The following SAMD5 variants were observed in gnomAD, a reference collection of about 807,000 sequenced individuals.
SAMD5 encodes the protein sterile alpha motif domain containing 5, also known as sterile alpha motif domain-containing protein 5.
In SAMD5, 13 loss-of-function variants were observed where a neutral mutation model predicts 11.3. The observed-to-expected ratio is 1.15, with a 90% confidence interval of 0.75 to 1.83. SAMD5 has a LOEUF of 1.83. Among genes scored for constraint, SAMD5 ranks in the 40% most tolerant of loss-of-function variants. The probability of loss-of-function intolerance (pLI) is 0.00; values close to 1 mark genes in which losing one functional copy is unlikely to be tolerated. For missense variants in SAMD5, 255 were observed against 239.1 expected (o/e 1.07, Z -0.44); for synonymous variants, 129 against 111.3 (o/e 1.16, Z -1.00).
the SAMD5 span, among the ~76,000 whole-genome samples, chr6:147,790,776 C>T: frequency 2.2e-4 from 12 of 55,174 alleles, 1 homozygote; most frequent in East Asian, 5.7e-4. Context: ...CTCTTTCTCT[C>T]TCTCTCTCTC....
chr6:147,900,596 A>T, the SAMD5 span, among the ~76,000 whole-genome samples: 40 of 152,318 alleles, frequency 2.6e-4, no homozygotes, highest in Admixed American at 2.4e-3. Context: ...GGAATGAAGA[A>T]TCACAGGAGA....
At chr6:147,769,321 A>G in the SAMD5 span, among the ~76,000 whole-genome samples, 2 of 152,320 alleles carry the variant, frequency 1.3e-5, no homozygotes, top group South Asian at 2.1e-4. Flanking sequence ...TTTCAATACC[A>G]TTAATTTCCT....
the SAMD5 span, among the ~76,000 whole-genome samples, chr6:147,941,776 T>G: frequency 6.6e-6 from 1 of 152,132 alleles, no homozygotes; most frequent in South Asian, 2.1e-4. Flanking sequence ...TTTTCTAAAA[T>G]ATAGTGACAA....
intron 1 of SAMD5, among the ~76,000 whole-genome samples, chr6:147,619,813 G>A (rs1198335277): frequency 1.3e-5 from 2 of 152,106 alleles, no homozygotes; most frequent in Non-Finnish European, 2.9e-5. Flanking sequence ...CAAGGGGGAG[G>A]CCACCTACTT....
Position 147,564,377 on chromosome 6 carries a change from T to C in SAMD5, c.460-17T>C, listed in dbSNP as rs1349330676. On this transcript the variant is annotated splice_polypyrimidine_tract_variant and intron_variant, in intron 1 of 1. Coordinates refer to ENST00000367474, the MANE Select transcript of SAMD5 (RefSeq NM_001030060.3). ...TAAAGGAGAACTTCAATAACCCAGATATGTTCAAATCCACAGGTCCCAATG... is the reference window on the plus strand; with the variant it reads ...TAAAGGAGAACTTCAATAACCCAGACATGTTCAAATCCACAGGTCCCAATG... 1 of 780,390 alleles carries C rather than the reference T, an allele frequency of 1.3e-6. No individual in the cohort carries two copies. Among genetic ancestry groups the C allele is most frequent in the Non-Finnish European group, 2.4e-6 (1 of 417,880 alleles). The allele number at this position is 780,390 out of a possible 1,614,324, so 48.3% of individuals were successfully genotyped here.
intron 1 of SAMD5, among the ~76,000 whole-genome samples, chr6:147,594,225 A>G (rs1464570134): frequency 6.6e-6 from 1 of 152,190 alleles, no homozygotes; most frequent in Non-Finnish European, 1.5e-5. Flanking sequence ...TGAATTGTCA[A>G]TAGCTGAGCA....
chr6:147,732,104 G>A (rs1310050153), intron 1 of SAMD5, among the ~76,000 whole-genome samples: 1 of 152,066 alleles, frequency 6.6e-6, no homozygotes, highest in Non-Finnish European at 1.5e-5. Context: ...AGCAATTATT[G>A]GAATGCAGTG....
chr6:147,567,798 G>A lies in SAMD5; in HGVS notation c.*3342G>A, dbSNP rs1428549695. 3.0e-6 allele frequency: 3 copies of A among 985,112 alleles called. No individual in the cohort carries two copies. Among genetic ancestry groups the A allele is most frequent in the East Asian group, 1.1e-4 (1 of 8,814 alleles). The allele number at this position is 985,112 out of a possible 1,614,324, so 61.0% of individuals were successfully genotyped here. A position where few individuals can be genotyped will look rare whatever the true frequency, so the allele number is the denominator to read the frequency against. On this transcript the variant is annotated 3_prime_UTR_variant, in exon 2 of 2. Coordinates refer to ENST00000367474, the MANE Select transcript of SAMD5 (RefSeq NM_001030060.3). ...GTCCCCTTTGATTTCTCTCAGGAAG[G>A]ATAAAAAAGGCTACAGTACCTGCTC...
chr6:147,736,149 TTGTG>T (rs1791800241), intron 1 of SAMD5, among the ~76,000 whole-genome samples: 1 of 152,148 alleles, frequency 6.6e-6, no homozygotes, highest in Non-Finnish European at 1.5e-5. Context: ...TATGCAACGT[TTGTG>T]TGTCTCTGTT....
chr6:147,825,554 C>T, the SAMD5 span, among the ~76,000 whole-genome samples: 1 of 151,982 alleles, frequency 6.6e-6, no homozygotes, highest in Non-Finnish European at 1.5e-5. Flanking sequence ...AGCATGAGCT[C>T]ATATAACATA....
the SAMD5 span, among the ~76,000 whole-genome samples, chr6:147,874,471 G>A: frequency 3.9e-5 from 6 of 152,048 alleles, no homozygotes; most frequent in Non-Finnish European, 7.4e-5. Context: ...CGAGAAGCCC[G>A]TTGTTGCGTG....
intron 1 of SAMD5, among the ~76,000 whole-genome samples, chr6:147,617,489 T>A (rs982730477): frequency 6.6e-6 from 1 of 152,252 alleles, no homozygotes; most frequent in Non-Finnish European, 1.5e-5. Context: ...TGTGGCATAC[T>A]CTTGAATCTA....
At chr6:147,574,711 G>A (rs1030093451), downstream of SAMD5, among the ~76,000 whole-genome samples, 1 of 152,334 alleles carries the variant, frequency 6.6e-6, no homozygotes, top group African/African-American at 2.4e-5. Flanking sequence ...AATGTTGGCT[G>A]TGTCATCACA....
the SAMD5 span, among the ~76,000 whole-genome samples, chr6:147,818,047 C>T: frequency 6.6e-6 from 1 of 152,192 alleles, no homozygotes; most frequent in Non-Finnish European, 1.5e-5. Flanking sequence ...GAAATCACTA[C>T]TTCTAGTGCA....
chr6:147,648,559 C>T (rs1299549233), intron 1 of SAMD5, among the ~76,000 whole-genome samples: 2 of 152,196 alleles, frequency 1.3e-5, no homozygotes, highest in East Asian at 1.9e-4. Flanking sequence ...CCACTGTCAT[C>T]CTCCTTTTAG....
chr6:147,841,835 G>A, the SAMD5 span, among the ~76,000 whole-genome samples: 1 of 152,268 alleles, frequency 6.6e-6, no homozygotes, highest in East Asian at 1.9e-4. Flanking sequence ...GCAATTTCAT[G>A]TGGAAGCTAA....
the SAMD5 span, among the ~76,000 whole-genome samples, chr6:147,815,311 G>T: frequency 3.5e-4 from 54 of 152,206 alleles, no homozygotes; most frequent in Non-Finnish European, 6.3e-4. Flanking sequence ...CACATTCTAT[G>T]TGCCAGGCGA....
At chr6:147,716,781 A>G (rs181187135) in intron 1 of SAMD5, among the ~76,000 whole-genome samples, 188 of 152,340 alleles carry the variant, frequency 1.2e-3, no homozygotes, top group African/African-American at 4.4e-3. Context: ...TTCTATTTTG[A>G]AAATAGGCAG....
At chr6:147,578,536 G>A (rs1180784907) in intron 1 of SAMD5, among the ~76,000 whole-genome samples, 5 of 151,972 alleles carry the variant, frequency 3.3e-5, no homozygotes, top group Non-Finnish European at 7.4e-5. Flanking sequence ...TGTTCTTTTT[G>A]TTATTCATAA....
Sources: allele counts gnomAD v4.1 joint callset (sites outside exome capture counted in the v4.1 genomes callset), GRCh38; gene constraint gnomAD v4.1.1; transcripts MANE v1.5; gene names NCBI Gene and HGNC (gene_info 2026-07-23, HGNC 2026-07-21).